The following SIL1 variants were observed in gnomAD, a reference collection of about 807,000 sequenced individuals.
The protein encoded by SIL1 is SIL1 nucleotide exchange factor, also known as nucleotide exchange factor SIL1.
A neutral mutation model predicts 49.1 loss-of-function variants in SIL1; 40 were observed. The observed-to-expected ratio is 0.81, with a 90% CI of 0.63 to 1.06. The LOEUF (loss-of-function observed/expected upper bound fraction) is 1.06, where lower values mean the gene tolerates loss of function less well. SIL1 is among the 50% of genes least tolerant of loss of function. The pLI is 0.00. For missense variants in SIL1, 500 were observed against 572.6 expected, an observed-to-expected ratio of 0.87 and a Z score of 1.29; for synonymous variants, 253 against 250.8, an observed-to-expected ratio of 1.01 and a Z score of -0.08.
At position 139,159,057 on chromosome 5, in the gene SIL1, G is replaced by A. The variant is rs1327329540; in HGVS notation, c.-10-31204C>T. ...CCCCCTGGCAACAGGGCTAATGGAG[G>A]CTACAGGGGACAAGGGGAAAGAAAG... On this transcript the variant is annotated intron_variant, in intron 1 of 9. Transcript: ENST00000394817. Among the ~76,000 whole-genome samples the A allele has an allele frequency of 2.0e-5, 3 of 151,976 alleles. No homozygotes were observed. The East Asian group carries it at 5.8e-4, about 29-fold the overall frequency.
chr5:139,134,026 C>T (rs1365801079), intron 1 of SIL1, among the ~76,000 whole-genome samples: 2 of 152,190 alleles, frequency 1.3e-5, no homozygotes, highest in Admixed American at 1.3e-4. Flanking sequence ...ATTTCTACTT[C>T]AAAGGTTGGT....
chr5:139,010,464 G>A (rs1481624286), intron 7 of SIL1, among the ~76,000 whole-genome samples: 24 of 152,120 alleles, frequency 1.6e-4, no homozygotes, highest in Admixed American at 2.0e-4. Flanking sequence ...CTCTCAGCTC[G>A]TCAAAGTCAT....
chr5:139,180,908 T>C (rs958122038), intron 1 of SIL1, among the ~76,000 whole-genome samples: 1 of 151,984 alleles, frequency 6.6e-6, no homozygotes, highest in Non-Finnish European at 1.5e-5. Flanking sequence ...GCAGAGAGGG[T>C]AGCAACTCCA....
intron 3 of SIL1, among the ~76,000 whole-genome samples, chr5:139,111,242 G>A (rs1338997129): frequency 1.3e-5 from 2 of 152,138 alleles, no homozygotes; most frequent in East Asian, 3.8e-4. Flanking sequence ...ACATCTAATA[G>A]GAGCTTCTTC....
chr5:139,171,893 T>C (rs1415897382), intron 1 of SIL1, among the ~76,000 whole-genome samples: 1 of 151,948 alleles, frequency 6.6e-6, no homozygotes. Flanking sequence ...AAGATTAAAA[T>C]ATCAATAAAG....
chr5:139,101,933 T>C (rs528231908), intron 3 of SIL1, among the ~76,000 whole-genome samples: 3 of 152,318 alleles, frequency 2.0e-5, no homozygotes, highest in African/African-American at 7.2e-5. Flanking sequence ...CTGATGTTAG[T>C]GCAGAGAGAT....
chr5:139,026,106 G>A (rs1768644732), intron 6 of SIL1, among the ~76,000 whole-genome samples: 1 of 152,136 alleles, frequency 6.6e-6, no homozygotes, highest in Non-Finnish European at 1.5e-5. Context: ...TAGGCTCTAA[G>A]TTCTCCAGTT....
In SIL1 at chr5:139,032,439, A is replaced by C. The variant is rs530561945; in HGVS notation, c.454-5447T>G. Among the ~76,000 whole-genome samples, 114 of 152,328 alleles carry C rather than the reference A, an allele frequency of 7.5e-4. 1 individual carries two copies. Among genetic ancestry groups the C allele is most frequent in the African/African-American group, 2.6e-3 (108 of 41,576 alleles). The stretch of plus-strand genomic sequence containing the variant: ...TCCATGTGATTATATATAATGCATA[A>C]TTCTTTTTACATATTGCTGGATTTG... On this transcript the variant is annotated intron_variant, in intron 5 of 9. Coordinates refer to ENST00000394817, the MANE Select transcript of SIL1 (RefSeq NM_022464.5).
At chr5:138,985,127 G>A (rs1195350025) in intron 7 of SIL1, among the ~76,000 whole-genome samples, 1 of 152,234 alleles carries the variant, frequency 6.6e-6, no homozygotes, top group African/African-American at 2.4e-5. Flanking sequence ...CAGCTCTGAT[G>A]TGGGACCAAG....
intron 1 of SIL1, among the ~76,000 whole-genome samples, chr5:139,152,452 C>A (rs1185663005): frequency 6.6e-6 from 1 of 151,790 alleles, no homozygotes; most frequent in African/African-American, 2.4e-5. Flanking sequence ...GAAACCCCAC[C>A]TCTACTAAAA....
intron 1 of SIL1, among the ~76,000 whole-genome samples, chr5:139,190,121 A>G (rs1183265012): frequency 1.3e-5 from 2 of 152,228 alleles, no homozygotes; most frequent in Non-Finnish European, 2.9e-5. Context: ...AGATATCAGA[A>G]CGTAAATACA....
At chr5:138,958,364 A>G (rs557758627) in intron 7 of SIL1, among the ~76,000 whole-genome samples, 1 of 152,330 alleles carries the variant, frequency 6.6e-6, no homozygotes, top group East Asian at 1.9e-4. Context: ...TAAGTCTCAC[A>G]ATTGGATGTT....
At chr5:139,026,161 A>G (rs780912301) in intron 6 of SIL1, among the ~76,000 whole-genome samples, 3 of 152,088 alleles carry the variant, frequency 2.0e-5, no homozygotes, top group Non-Finnish European at 4.4e-5. Flanking sequence ...ACAATCTTAA[A>G]TTATCTCATT....
At chr5:139,058,970 A>ATGTGTGTCTGTGTGTGTG (rs1554129961) in intron 3 of SIL1, among the ~76,000 whole-genome samples, 1 of 150,228 alleles carries the variant, frequency 6.7e-6, no homozygotes, top group Non-Finnish European at 1.5e-5. Flanking sequence ...AGAAATGTGT[A>ATGTGTGTCTGTGTGTGTG]TGTGTGTGTG....
rs539367990 is a variant in SIL1, at chr5:139,084,614, T to C, written c.245-33568A>G. The stretch of plus-strand genomic sequence containing the variant: ...TCACATGGACACAGGAAGGGGAATA[T>C]CACACTCTGGGAACTGTGGTGGGGT... On this transcript the variant is annotated intron_variant, in intron 3 of 9. Transcript: ENST00000394817. Among the ~76,000 whole-genome samples the C allele has an allele frequency of 7.5e-4, 91 of 121,596 alleles. 1 individual carries two copies. The highest frequency in any genetic ancestry group is 2.8e-3 in the African/African-American group (87 of 31,382). 79.8% of individuals were successfully genotyped at this position (121,596 alleles called of 152,430 possible).
intron 2 of SIL1, among the ~76,000 whole-genome samples, chr5:139,121,848 G>T (rs1036448424): frequency 6.6e-6 from 1 of 152,188 alleles, no homozygotes; most frequent in African/African-American, 2.4e-5. Flanking sequence ...AGAACATAGA[G>T]GATTAATGAG....
chr5:139,087,648 G>C (rs960167281), intron 3 of SIL1, among the ~76,000 whole-genome samples: 1 of 152,148 alleles, frequency 6.6e-6, no homozygotes. Flanking sequence ...TGTTTTGAGG[G>C]AGCAGTCATA....
chr5:139,004,438 G>C (rs562436744), intron 7 of SIL1, among the ~76,000 whole-genome samples: 37 of 152,272 alleles, frequency 2.4e-4, no homozygotes, highest in South Asian at 2.1e-3. Context: ...GTTTGGAAAA[G>C]TATCAGCCAA....
At chr5:138,974,961 G>C (rs1249811821) in intron 7 of SIL1, among the ~76,000 whole-genome samples, 1 of 152,188 alleles carries the variant, frequency 6.6e-6, no homozygotes, top group Non-Finnish European at 1.5e-5. Context: ...CTTGCCCAGA[G>C]ATATACAGCA....
Sources: gnomAD v4.1 joint callset for allele counts (sites outside exome capture counted in the v4.1 genomes callset) on GRCh38, gnomAD v4.1.1 for gene constraint, MANE v1.5 for transcripts, NCBI Gene and HGNC (gene_info 2026-07-23, HGNC 2026-07-21) for gene names.